FST: variants seen among roughly 807,000 people sequenced by gnomAD.
FST encodes the protein activin-binding protein.
Under a neutral mutation model 38.4 loss-of-function variants are expected in FST, and 6 were observed. The observed-to-expected ratio is 0.16, with a 90% CI of 0.09 to 0.31. FST has a LOEUF of 0.31. Ranked by LOEUF, FST falls within the 10% of genes least tolerant of loss-of-function variation. The pLI, the probability that FST is intolerant of heterozygous loss-of-function variation, is 1.00. For synonymous variants in FST, 157 were observed against 169.8 expected (o/e 0.92, Z 0.59); for missense variants, 301 against 432.3 (o/e 0.70, Z 2.69).
rs746714008 is a variant in FST at position 53,483,773 on chromosome 5, T to C, written c.496+51T>C. 2 of 1,383,764 alleles carry C rather than the reference T, an allele frequency of 1.4e-6. No individual in the cohort carries two copies. The highest frequency in any genetic ancestry group is 1.4e-5 in the African/African-American group (1 of 70,682). 85.7% of individuals were successfully genotyped at this position (1,383,764 alleles called of 1,614,324 possible). A position where few individuals can be genotyped will look rare whatever the true frequency, so the allele number is the denominator to read the frequency against. ...CTGGATCTGTCCCCTCCTCCAGCTT[T>C]GTACCTAAAGTAGACCCTCTAGAAG... On this transcript the variant is annotated intron_variant, in intron 3 of 5. Coordinates refer to ENST00000256759, the MANE Select transcript of FST (RefSeq NM_013409.3). This position sits in a 1 kb window ranked among gnomAD's most constrained non-coding sequence, Gnocchi z 4.1.
At position 53,483,439 on chromosome 5, in the gene FST, C is replaced by A; in HGVS notation, c.278-65C>A. ...GCATGATTGCGCAAGGCACCCGAAG[C>A]CCTCCTGGCTGACCTGCAGACTGCC... On this transcript the variant is annotated intron_variant, in intron 2 of 5. Coordinates refer to ENST00000256759, the MANE Select transcript of FST (RefSeq NM_013409.3). This position sits in a 1 kb window ranked among gnomAD's most constrained non-coding sequence, Gnocchi z 4.1. 2 of 1,305,200 alleles carry A rather than the reference C, an allele frequency of 1.5e-6. No individual in the cohort carries two copies. The highest frequency in any genetic ancestry group is 2.2e-6 in the Non-Finnish European group (2 of 909,964). The allele number at this position is 1,305,200 out of a possible 1,614,324, so 80.9% of individuals were successfully genotyped here.
rs1579764755 is a variant in FST at position 53,483,441 on chromosome 5, C to G, written c.278-63C>G. The G allele has an allele frequency of 7.3e-7, 1 of 1,370,374 alleles. No homozygotes were observed. Among genetic ancestry groups the G allele is most frequent in the Non-Finnish European group, 1.0e-6 (1 of 967,244 alleles). The allele number at this position is 1,370,374 out of a possible 1,614,324, so 84.9% of individuals were successfully genotyped here. On this transcript the variant is annotated intron_variant, in intron 2 of 5. Coordinates refer to ENST00000256759, the MANE Select transcript of FST (RefSeq NM_013409.3). The surrounding 1 kb of genome is among the most constrained non-coding windows in gnomAD (Gnocchi z 4.1). ...ATGATTGCGCAAGGCACCCGAAGCC[C>G]TCCTGGCTGACCTGCAGACTGCCTG...
At position 53,483,405 on chromosome 5, in the gene FST, C is replaced by T. The variant is rs1561296681; in HGVS notation, c.278-99C>T. 2 of 914,308 alleles carry T rather than the reference C, an allele frequency of 2.2e-6. No homozygotes were observed. Among genetic ancestry groups the T allele is most frequent in the Middle Eastern group, 3.4e-4 (1 of 2,982 alleles). 56.6% of individuals were successfully genotyped at this position (914,308 alleles called of 1,614,324 possible). On this transcript the variant is annotated intron_variant, in intron 2 of 5. Coordinates refer to ENST00000256759, the MANE Select transcript of FST (RefSeq NM_013409.3). This position sits in a 1 kb window ranked among gnomAD's most constrained non-coding sequence, Gnocchi z 4.1. ...GAGCCTGGGGCCCCTCCAGCGCAAA[C>T]TCAGGGCTGCATGATTGCGCAAGGC...
At chr5:53,484,557 A>C (rs1747434208) in intron 4 of FST, among the ~76,000 whole-genome samples, 1 of 152,240 alleles carries the variant, frequency 6.6e-6, no homozygotes. Flanking sequence ...TCAATTTTAC[A>C]CATTTTTTTA....
intron 1 of FST, among the ~76,000 whole-genome samples, chr5:53,481,761 C>T (rs577614671): frequency 2.6e-5 from 4 of 152,170 alleles, no homozygotes; most frequent in African/African-American, 4.8e-5. Context: ...GAAGTCTTCT[C>T]GACCCAAATC....
chr5:53,485,297 C>G (rs1214148105), intron 5 of FST, 70 bp downstream of exon 5: 2 of 801,352 alleles, frequency 2.5e-6, no homozygotes, highest in African/African-American at 1.7e-5. Context: ...TGGACACTTA[C>G]AAAGCACGCA....
Position 53,483,702 on chromosome 5 carries a change from A to G in FST, c.476A>G (p.Gln159Arg). Residue 159 changes from glutamine (Q) to arginine (R), a missense_variant, in exon 3 of 6, where the codon CAG (glutamine) becomes CGG (arginine). Gln to Arg is a conservative substitution (Grantham distance 43). Coordinates refer to ENST00000256759, the MANE Select transcript of FST (RefSeq NM_013409.3). This position sits in a 1 kb window ranked among gnomAD's most constrained non-coding sequence, Gnocchi z 4.1. ...RCKEQPELEV[Q>R]YQGRCKKTCR... ...AAAGAGCAGCCAGAACTGGAAGTCC[A>G]GTACCAAGGCAGATGTAAAAGTAGG... is the stretch of plus-strand genomic sequence containing the variant. The G allele has an allele frequency of 1.2e-6, 2 of 1,613,718 alleles. No homozygotes were observed. The highest frequency in any genetic ancestry group is 2.2e-5 in the East Asian group (1 of 44,878).
At chr5:53,482,250 TC>T (rs1747267956) in intron 1 of FST, among the ~76,000 whole-genome samples, 1 of 151,994 alleles carries the variant, frequency 6.6e-6, no homozygotes, top group African/African-American at 2.4e-5. Flanking sequence ...TTTCTTCCTC[TC>T]TCTCTTTCTT....
At chr5:53,485,550 T>G (rs1231066457) in intron 5 of FST, 4 of 660,526 alleles carry the variant, frequency 6.1e-6, no homozygotes, top group African/African-American at 2.6e-5. Flanking sequence ...TCAAAAGTTT[T>G]TTTTTTTTTT....
At chr5:53,482,628 C>T in intron 1 of FST, 1 of 466,146 alleles carries the variant, frequency 2.1e-6, no homozygotes, top group Non-Finnish European at 3.8e-6. Flanking sequence ...TCTTCTCCCT[C>T]TCTCCCTCCC....
rs556912764 is a variant in FST, at chr5:53,486,680, T to C, written c.*647T>C. 1 of 152,350 alleles carries C rather than the reference T, an allele frequency of 6.6e-6. No homozygotes were observed. The highest frequency in any genetic ancestry group is 1.9e-4 in the East Asian group (1 of 5,188). The allele number at this position is 152,350 out of a possible 1,614,324, so 9.4% of individuals were successfully genotyped here. ...TACAAGGTACAGAAGATAAGCATCT[T>C]TGAGGAAACTCCTACTTCAGTTCTT... On this transcript the variant is annotated 3_prime_UTR_variant, in exon 6 of 6. Coordinates refer to ENST00000256759, the MANE Select transcript of FST (RefSeq NM_013409.3).
chr5:53,484,695 T>C (rs1747441620), intron 4 of FST, among the ~76,000 whole-genome samples: 1 of 152,246 alleles, frequency 6.6e-6, no homozygotes, highest in Non-Finnish European at 1.5e-5. Flanking sequence ...ATAAGATACA[T>C]ATTTAACTTG....
chr5:53,481,271 T>TA lies in FST; in HGVS notation c.85+407dup, dbSNP rs113843581. On this transcript the variant is annotated intron_variant, in intron 1 of 5. Transcript: ENST00000256759. Reference sequence around the variant, plus strand: ...CTCCCTCCCACATCTTTTGGATACTTAAAAAAAAAAAAGGAAAGAAAGAAA... The same window carrying TA: ...CTCCCTCCCACATCTTTTGGATACTTAAAAAAAAAAAAAGGAAAGAAAGAAA... Among the ~76,000 whole-genome samples, 425 of 139,958 alleles carry TA rather than the reference T, an allele frequency of 3.0e-3. 1 individual carries two copies. The highest frequency in any genetic ancestry group is 9.5e-3 in the Admixed American group (134 of 14,032). The allele number at this position is 139,958 out of a possible 152,430, so 91.8% of individuals were successfully genotyped here.
chr5:53,484,982 T>C lies in FST; in HGVS notation c.722-15T>C, dbSNP rs759709648. On this transcript the variant is annotated splice_polypyrimidine_tract_variant and intron_variant, in intron 4 of 5. Coordinates refer to ENST00000256759, the MANE Select transcript of FST (RefSeq NM_013409.3). Reference sequence around the variant, plus strand: ...GGGAAATCAGTTTACTCATCACAGATGTATTATATCCTAGAAGCAAAGTCC... The same window carrying C: ...GGGAAATCAGTTTACTCATCACAGACGTATTATATCCTAGAAGCAAAGTCC... The C allele has an allele frequency of 9.5e-6, 12 of 1,260,112 alleles. No individual in the cohort carries two copies. The highest frequency in any genetic ancestry group is 1.4e-5 in the Non-Finnish European group (12 of 856,100). The allele number at this position is 1,260,112 out of a possible 1,614,324, so 78.1% of individuals were successfully genotyped here. A position where few individuals can be genotyped will look rare whatever the true frequency, so the allele number is the denominator to read the frequency against.
intron 1 of FST, among the ~76,000 whole-genome samples, chr5:53,481,968 C>A (rs1747241893): frequency 6.6e-6 from 1 of 152,286 alleles, no homozygotes; most frequent in African/African-American, 2.4e-5. Context: ...TCGCCGTCTG[C>A]ATGGCACTGC....
In FST at chr5:53,486,093, A is replaced by G. The variant is rs1202789422; in HGVS notation, c.*60A>G. On this transcript the variant is annotated 3_prime_UTR_variant, in exon 6 of 6. Coordinates refer to ENST00000256759, the MANE Select transcript of FST (RefSeq NM_013409.3). ...TGTGCAAAAAAAAAAAAAAAAAAAAAGAAAAAGAAAAAAAGAAAAATATAT... is the reference window on the plus strand; with the variant it reads ...TGTGCAAAAAAAAAAAAAAAAAAAAGGAAAAAGAAAAAAAGAAAAATATAT... 4.5e-6 allele frequency: 4 copies of G among 883,766 alleles called. No homozygotes were observed. In the East Asian group the frequency reaches 8.1e-5, roughly 18 times the overall value. The allele number at this position is 883,766 out of a possible 1,614,324, so 54.7% of individuals were successfully genotyped here.
At chr5:53,484,484 A>G (rs552998841) in intron 4 of FST, among the ~76,000 whole-genome samples, 191 bp downstream of exon 4, 41 of 152,380 alleles carry the variant, frequency 2.7e-4, no homozygotes, top group Non-Finnish European at 4.9e-4. Flanking sequence ...GCATTGACAC[A>G]TATATTCAAA....
In FST at chr5:53,480,777, G is replaced by T; in HGVS notation, c.-15G>T. ...CCCGCGCCGCTGCGCTCCTCGCCCC[G>T]CGCCTGCCCCCAGGATGGTCCGCGC... On this transcript the variant is annotated 5_prime_UTR_variant, in exon 1 of 6. Coordinates refer to ENST00000256759, the MANE Select transcript of FST (RefSeq NM_013409.3). 7.3e-7 allele frequency: 1 copy of T among 1,376,848 alleles called. No homozygotes were observed. The allele number at this position is 1,376,848 out of a possible 1,614,324, so 85.3% of individuals were successfully genotyped here.
rs1413645233 is a variant in FST at position 53,480,754 on chromosome 5, C to T, written c.-38C>T. The T allele has an allele frequency of 3.0e-5, 31 of 1,025,300 alleles. 1 individual carries two copies. The highest frequency in any genetic ancestry group is 8.4e-5 in the East Asian group (2 of 23,792). 63.5% of individuals were successfully genotyped at this position (1,025,300 alleles called of 1,614,324 possible). ...GCCACCCGCCGCCGCGCCGGCTCCCCGCGCCGCTGCGCTCCTCGCCCCGCG... is the reference window on the plus strand; with the variant it reads ...GCCACCCGCCGCCGCGCCGGCTCCCTGCGCCGCTGCGCTCCTCGCCCCGCG... On this transcript the variant is annotated 5_prime_UTR_variant, in exon 1 of 6. Transcript: ENST00000256759.
Sources: allele counts gnomAD v4.1 joint callset (sites outside exome capture counted in the v4.1 genomes callset), GRCh38; gene constraint gnomAD v4.1.1; non-coding constraint Gnocchi (gnomAD v3.1); transcripts MANE v1.5; gene names NCBI Gene and HGNC (gene_info 2026-07-23, HGNC 2026-07-21).